The following VANGL1 variants were observed in gnomAD, a reference collection of about 807,000 sequenced individuals.
The protein encoded by VANGL1 is VANGL planar cell polarity protein 1.
Under a neutral mutation model 48.4 loss-of-function variants are expected in VANGL1, and 18 were observed. That is an observed-to-expected ratio of 0.37 (90% CI 0.26 to 0.55). The LOEUF is 0.55. Ranked by LOEUF, VANGL1 falls within the 20% of genes least tolerant of loss-of-function variation. The probability of loss-of-function intolerance (pLI) is 0.81; values close to 1 mark genes in which losing one functional copy is unlikely to be tolerated. For missense variants in VANGL1, 667 were observed against 675.8 expected, an observed-to-expected ratio of 0.99 and a Z score of 0.14; for synonymous variants, 257 against 261.8, an observed-to-expected ratio of 0.98 and a Z score of 0.18.
chr1:115,659,408 G>A (rs1489174713), intron 2 of VANGL1, among the ~76,000 whole-genome samples: 1 of 151,914 alleles, frequency 6.6e-6, no homozygotes, highest in African/African-American at 2.4e-5. Flanking sequence ...GACAGTCTTT[G>A]TTTTGGGTCT....
At chr1:115,672,298 G>T (rs2101015470) in intron 4 of VANGL1, among the ~76,000 whole-genome samples, 1 of 152,302 alleles carries the variant, frequency 6.6e-6, no homozygotes, top group Middle Eastern at 3.4e-3. Context: ...ACCCTGCAGG[G>T]CTTGTCCACA....
chr1:115,673,800 T>C (rs1013147889), intron 4 of VANGL1, among the ~76,000 whole-genome samples: 22 of 151,798 alleles, frequency 1.4e-4, no homozygotes, highest in Non-Finnish European at 3.1e-4. Flanking sequence ...GGGTTTCACT[T>C]TGTTGGTCAG....
intron 4 of VANGL1, among the ~76,000 whole-genome samples, chr1:115,673,594 C>CT (rs960453479): frequency 0.03 from 3,208 of 108,508 alleles, 183 homozygotes; most frequent in African/African-American, 0.072. Context: ...TGTATGTCCT[C>CT]TTTTTTTTTT....
At chr1:115,661,778 C>T (rs1570748170) in intron 3 of VANGL1, among the ~76,000 whole-genome samples, 3 of 152,150 alleles carry the variant, frequency 2.0e-5, no homozygotes, top group South Asian at 4.2e-4. Context: ...CCACCACGCC[C>T]AGCTAATTTT....
intron 7 of VANGL1, among the ~76,000 whole-genome samples, chr1:115,686,096 T>C (rs1288628177): frequency 6.6e-6 from 1 of 152,080 alleles, no homozygotes; most frequent in Non-Finnish European, 1.5e-5. Flanking sequence ...TTTACATGCC[T>C]TGTTGCCATA....
rs1227484471 is a variant in VANGL1 at position 115,687,678 on chromosome 1, G to C, written c.1314+2151G>C. On this transcript the variant is annotated intron_variant, in intron 7 of 7. Coordinates refer to ENST00000355485, the MANE Select transcript of VANGL1 (RefSeq NM_138959.3). ...TAAGCTGAAATGGGAAAACAAAACA[G>C]AAATTGGGTCATTGCTCTCTCTTTC... Among the ~76,000 whole-genome samples, 4 of 129,894 alleles carry C rather than the reference G, an allele frequency of 3.1e-5. 1 individual carries two copies. Among genetic ancestry groups the C allele is most frequent in the African/African-American group, 1.2e-4 (4 of 33,862 alleles). 85.2% of individuals were successfully genotyped at this position (129,894 alleles called of 152,430 possible). A position where few individuals can be genotyped will look rare whatever the true frequency, so the allele number is the denominator to read the frequency against.
intron 5 of VANGL1, among the ~76,000 whole-genome samples, chr1:115,683,091 A>T (rs752513037): frequency 1.3e-5 from 2 of 151,894 alleles, no homozygotes; most frequent in Non-Finnish European, 2.9e-5. Flanking sequence ...TTATATTTTC[A>T]ACAAGTCAAG....
At chr1:115,679,323 C>A (rs1198527913) in intron 4 of VANGL1, among the ~76,000 whole-genome samples, 2 of 152,244 alleles carry the variant, frequency 1.3e-5, no homozygotes, top group Non-Finnish European at 2.9e-5. Flanking sequence ...AAGACTCTCA[C>A]TCTTTGGGAG....
At chr1:115,662,850 G>A (rs564796059) in intron 3 of VANGL1, among the ~76,000 whole-genome samples, 18 of 149,946 alleles carry the variant, frequency 1.2e-4, no homozygotes, top group South Asian at 6.3e-4. Context: ...ACAGTGGCAC[G>A]ATCTCAGCTC....
chr1:115,647,946 C>T (rs1652000249), intron 1 of VANGL1, among the ~76,000 whole-genome samples: 1 of 152,066 alleles, frequency 6.6e-6, no homozygotes, highest in East Asian at 1.9e-4. Flanking sequence ...TTCAAAATAT[C>T]CTGGGTGGAG....
Position 115,659,757 on chromosome 1 carries a change from G to A in VANGL1, c.188G>A (p.Arg63Gln), listed in dbSNP as rs762788816. ...CCCCTGTTGGGAAATGATTCTACTC[G>A]GACAGAGGAAGTTCAGGTAAGGATC... ...GEPLLGNDST[R>Q]TEEVQDDNWG... The change falls in exon 3 of 8, where the codon CGG becomes CAG. Residue 63 changes from arginine to glutamine, a missense_variant. Arg to Gln is a conservative substitution (Grantham distance 43). Transcript: ENST00000355485. The A allele has an allele frequency of 1.2e-6, 2 of 1,614,104 alleles. No homozygotes were observed. The highest frequency in any genetic ancestry group is 8.5e-7 in the Non-Finnish European group (1 of 1,180,024).
chr1:115,681,538 C>T (rs1187987887), intron 4 of VANGL1, among the ~76,000 whole-genome samples: 9 of 129,248 alleles, frequency 7.0e-5, no homozygotes, highest in African/African-American at 2.4e-4. Flanking sequence ...CTGAATTTCA[C>T]TCTTGTTGCC....
At chr1:115,681,801 G>A (rs562896352) in intron 4 of VANGL1, among the ~76,000 whole-genome samples, 29 of 152,212 alleles carry the variant, frequency 1.9e-4, no homozygotes, top group African/African-American at 5.5e-4. Flanking sequence ...GCCACCGCGC[G>A]TGGCCAAGGC....
intron 6 of VANGL1, 73 bp from the exon 7 acceptor site, chr1:115,685,219 AG>A (rs1653551788): frequency 6.5e-7 from 1 of 1,536,282 alleles, no homozygotes; most frequent in African/African-American, 1.4e-5. Context: ...GCAGCAGGGT[AG>A]ACAAGCGTCA....
chr1:115,663,589 C>T, intron 3 of VANGL1, 72 bp from the exon 4 acceptor site: 1 of 1,606,196 alleles, frequency 6.2e-7, no homozygotes, highest in Non-Finnish European at 8.5e-7. Flanking sequence ...GCGGGCCCTG[C>T]ATGTTCACTG....
At chr1:115,647,047 T>C (rs1202451037) in intron 1 of VANGL1, among the ~76,000 whole-genome samples, 1 of 152,160 alleles carries the variant, frequency 6.6e-6, no homozygotes, top group Non-Finnish European at 1.5e-5. Context: ...GGGCAGGACA[T>C]TGCATACCAA....
At chr1:115,684,556 C>A (rs914912368) in intron 6 of VANGL1, among the ~76,000 whole-genome samples, 1 of 152,194 alleles carries the variant, frequency 6.6e-6, no homozygotes, top group Admixed American at 6.5e-5. Flanking sequence ...CAAACTGAAG[C>A]CTGTATGAAT....
intron 4 of VANGL1, among the ~76,000 whole-genome samples, chr1:115,670,530 G>C (rs1652939289): frequency 6.6e-6 from 1 of 152,168 alleles, no homozygotes; most frequent in South Asian, 2.1e-4. Flanking sequence ...GATATTTCCA[G>C]CTCCTTTTGA....
At chr1:115,690,432 G>A (rs1446241099) in intron 7 of VANGL1, among the ~76,000 whole-genome samples, 1 of 152,234 alleles carries the variant, frequency 6.6e-6, no homozygotes, top group Non-Finnish European at 1.5e-5. Context: ...GGAGAGGGAA[G>A]GGGGCATCAG....
Sources: gnomAD v4.1 joint callset for allele counts (sites outside exome capture counted in the v4.1 genomes callset) on GRCh38, gnomAD v4.1.1 for gene constraint, MANE v1.5 for transcripts, NCBI Gene and HGNC (gene_info 2026-07-23, HGNC 2026-07-21) for gene names.